The following CLNK variants were observed in gnomAD, a reference collection of about 807,000 sequenced individuals.
The protein encoded by CLNK is cytokine-dependent hematopoietic cell linker.
A neutral mutation model predicts 68.6 loss-of-function variants in CLNK; 74 were observed. The ratio of observed to expected loss-of-function variants is 1.08; its 90% CI spans 0.89 to 1.31. The LOEUF (loss-of-function observed/expected upper bound fraction) is 1.31, where lower values mean the gene tolerates loss of function less well. Among genes scored for constraint, CLNK ranks in the 50% most tolerant of loss-of-function variants. CLNK has a pLI of 0.00. For synonymous variants in CLNK, 198 were observed against 172.2 expected (o/e 1.15, Z -1.17); for missense variants, 553 against 515.3 (o/e 1.07, Z -0.71).
intron 2 of CLNK, among the ~76,000 whole-genome samples, chr4:10,630,224 T>G (rs1560252158): frequency 1.3e-5 from 2 of 152,358 alleles, no homozygotes; most frequent in African/African-American, 4.8e-5. Flanking sequence ...TTCCTGAGCC[T>G]GATAATTTAT....
upstream of CLNK, among the ~76,000 whole-genome samples, chr4:10,689,334 T>C (rs1212288345): frequency 6.6e-6 from 1 of 152,056 alleles, no homozygotes; most frequent in East Asian, 1.9e-4. Flanking sequence ...GGGATCTCCC[T>C]ATGTTGACTA....
chr4:10,526,644 G>A (rs576235508), intron 13 of CLNK, among the ~76,000 whole-genome samples: 2 of 152,132 alleles, frequency 1.3e-5, no homozygotes, highest in Non-Finnish European at 2.9e-5. Flanking sequence ...GACAGGGCAG[G>A]TGAGCTCCTA....
At position 10,488,772 on chromosome 4, in the gene CLNK, G is replaced by C. The variant is rs1464023064; in HGVS notation, c.*1695C>G. 6.6e-6 allele frequency: 1 copy of C among 152,222 alleles called. No individual in the cohort carries two copies. Among genetic ancestry groups the C allele is most frequent in the Non-Finnish European group, 1.5e-5 (1 of 68,040 alleles). 9.4% of individuals were successfully genotyped at this position (152,222 alleles called of 1,614,324 possible). A position where few individuals can be genotyped will look rare whatever the true frequency, so the allele number is the denominator to read the frequency against. ...AGATGCTAAGAGCTTTTCCCAGAGA[G>C]CTCATTGTCTGCTGTCTTACAAAAG... is the stretch of plus-strand genomic sequence containing the variant. On this transcript the variant is annotated 3_prime_UTR_variant, in exon 19 of 19. Coordinates refer to ENST00000226951, the MANE Select transcript of CLNK (RefSeq NM_052964.4).
the CLNK span, among the ~76,000 whole-genome samples, chr4:10,730,772 A>C: frequency 1.3e-5 from 2 of 152,204 alleles, no homozygotes; most frequent in Non-Finnish European, 2.9e-5. Flanking sequence ...TTTACAACTC[A>C]TATGTACGTT....
chr4:10,610,333 C>T (rs909769843), intron 2 of CLNK, among the ~76,000 whole-genome samples: 2 of 149,224 alleles, frequency 1.3e-5, no homozygotes, highest in African/African-American at 4.9e-5. Flanking sequence ...CGTGAGCCAC[C>T]GCGCCCGGCC....
At chr4:10,710,328 C>T in the CLNK span, among the ~76,000 whole-genome samples, 10 of 152,066 alleles carry the variant, frequency 6.6e-5, no homozygotes, top group Non-Finnish European at 1.2e-4. Flanking sequence ...AAGCAGGAGT[C>T]ACACCAACCA....
At chr4:10,631,424 A>G (rs1459081979) in intron 2 of CLNK, among the ~76,000 whole-genome samples, 2 of 152,242 alleles carry the variant, frequency 1.3e-5, no homozygotes, top group Non-Finnish European at 2.9e-5. Flanking sequence ...GCTCAGACCA[A>G]GAAAGAAAGA....
At chr4:10,623,275 A>G (rs1290742515) in intron 2 of CLNK, among the ~76,000 whole-genome samples, 6 of 152,174 alleles carry the variant, frequency 3.9e-5, no homozygotes, top group African/African-American at 1.4e-4. Context: ...GGGTTGACAG[A>G]CCATTCTCTC....
chr4:10,610,841 A>T (rs1006295925), intron 2 of CLNK, among the ~76,000 whole-genome samples: 1 of 151,262 alleles, frequency 6.6e-6, no homozygotes, highest in Non-Finnish European at 1.5e-5. Context: ...CAAAATAAAA[A>T]CTTGATTTGT....
intron 16 of CLNK, among the ~76,000 whole-genome samples, chr4:10,513,169 A>G (rs1246226960): frequency 6.6e-6 from 1 of 151,324 alleles, no homozygotes; most frequent in Non-Finnish European, 1.5e-5. Flanking sequence ...CAGCTGGTAA[A>G]TATAAAACAC....
intron 2 of CLNK, among the ~76,000 whole-genome samples, chr4:10,650,408 C>A (rs139391362): frequency 6.6e-6 from 1 of 151,882 alleles, no homozygotes; most frequent in African/African-American, 2.4e-5. Flanking sequence ...TCCAACGTAT[C>A]CAAAGCAGGT....
In CLNK at chr4:10,488,740, A is replaced by G. The variant is rs1560184621; in HGVS notation, c.*1727T>C. Reference sequence around the variant, plus strand: ...AGAACACCTGAGCAGGTATTTGGATAGTGGGTAGATGCTAAGAGCTTTTCC... The same window carrying G: ...AGAACACCTGAGCAGGTATTTGGATGGTGGGTAGATGCTAAGAGCTTTTCC... On this transcript the variant is annotated 3_prime_UTR_variant, in exon 19 of 19. Transcript: ENST00000226951. The G allele has an allele frequency of 6.6e-6, 1 of 152,270 alleles. No individual in the cohort carries two copies. The highest frequency in any genetic ancestry group is 2.1e-4 in the South Asian group (1 of 4,834). The allele number at this position is 152,270 out of a possible 1,614,324, so 9.4% of individuals were successfully genotyped here.
At chr4:10,564,880 G>T in intron 6 of CLNK, 103 bp from the exon 7 acceptor site, 1 of 730,122 alleles carries the variant, frequency 1.4e-6, no homozygotes, top group Non-Finnish European at 2.4e-6. Context: ...TCATTACAAC[G>T]TAAGTAAGAG....
intron 17 of CLNK, among the ~76,000 whole-genome samples, chr4:10,502,730 G>A (rs1717106369): frequency 6.6e-6 from 1 of 151,998 alleles, no homozygotes; most frequent in African/African-American, 2.4e-5. Flanking sequence ...TTAAGTCATG[G>A]ATATCAAACT....
intron 18 of CLNK, 55 bp downstream of exon 18, chr4:10,501,201 T>C (rs1717029917): frequency 6.7e-7 from 1 of 1,501,986 alleles, no homozygotes; most frequent in Non-Finnish European, 8.8e-7. Flanking sequence ...CCCCAAACTC[T>C]TCCTTTATTT....
At chr4:10,682,489 G>A (rs1410830511) in intron 1 of CLNK, among the ~76,000 whole-genome samples, 1 of 152,136 alleles carries the variant, frequency 6.6e-6, no homozygotes, top group African/African-American at 2.4e-5. Context: ...GCCAGTTCCT[G>A]GCTATCTCTT....
At chr4:10,528,945 T>C (rs187655354) in intron 12 of CLNK, among the ~76,000 whole-genome samples, 1 of 152,362 alleles carries the variant, frequency 6.6e-6, no homozygotes, top group East Asian at 1.9e-4. Context: ...TTCTTGATCA[T>C]CCTTCATTAT....
At chr4:10,582,997 C>T (rs1374098640) in intron 4 of CLNK, among the ~76,000 whole-genome samples, 1 of 152,252 alleles carries the variant, frequency 6.6e-6, no homozygotes, top group East Asian at 1.9e-4. Context: ...AATGAATGTG[C>T]TTCAACATCA....
chr4:10,537,730 T>C (rs572014073), intron 11 of CLNK, among the ~76,000 whole-genome samples: 21 of 132,904 alleles, frequency 1.6e-4, no homozygotes, highest in Admixed American at 3.3e-4. Context: ...TTTCTTTCTT[T>C]CTTTCTTCCT....
Sources: gnomAD v4.1 joint callset for allele counts (sites outside exome capture counted in the v4.1 genomes callset) on GRCh38, gnomAD v4.1.1 for gene constraint, MANE v1.5 for transcripts, NCBI Gene and HGNC (gene_info 2026-07-23, HGNC 2026-07-21) for gene names.